TUBGCP5: variants seen among roughly 807,000 people sequenced by gnomAD.
The protein encoded by TUBGCP5 is gamma-tubulin complex component 5.
TUBGCP5 carries 98 observed loss-of-function variants against 134.7 expected under a neutral mutation model. The ratio of observed to expected loss-of-function variants is 0.73; its 90% confidence interval spans 0.62 to 0.86. The LOEUF (loss-of-function observed/expected upper bound fraction) is 0.86, where lower values mean the gene tolerates loss of function less well. TUBGCP5 is among the 40% of genes least tolerant of loss of function. TUBGCP5 has a pLI of 0.00. For missense variants in TUBGCP5, 1,150 were observed against 1,244.8 expected (o/e 0.92, Z 1.15); for synonymous variants, 456 against 431.4 (o/e 1.06, Z -0.71).
At chr15:23,000,896 A>G (rs1335674606) in intron 21 of TUBGCP5, among the ~76,000 whole-genome samples, 1 of 152,204 alleles carries the variant, frequency 6.6e-6, no homozygotes, top group African/African-American at 2.4e-5. Flanking sequence ...CTGTTTCCAG[A>G]TAGTATCTAG....
chr15:23,039,032 T>TAA (rs201611842), intron 1 of TUBGCP5, among the ~76,000 whole-genome samples: 3 of 147,552 alleles, frequency 2.0e-5, no homozygotes, highest in African/African-American at 5.0e-5. Flanking sequence ...CTCTTTAATT[T>TAA]AAAAAAAAAA....
At chr15:23,018,272 G>C (rs556839678) in intron 12 of TUBGCP5, among the ~76,000 whole-genome samples, 1 of 152,244 alleles carries the variant, frequency 6.6e-6, no homozygotes, top group African/African-American at 2.4e-5. Context: ...TCCTGAATTG[G>C]AATTATTTAA....
In TUBGCP5 at chr15:23,037,652, G is replaced by A. The variant is rs539153650; in HGVS notation, c.147-500C>T. Among the ~76,000 whole-genome samples, 6 of 152,244 alleles carry A rather than the reference G, an allele frequency of 3.9e-5. No individual in the cohort carries two copies. In the East Asian group the frequency reaches 5.8e-4, roughly 15 times the overall value. On this transcript the variant is annotated intron_variant, in intron 1 of 22. Coordinates refer to ENST00000615383, the MANE Select transcript of TUBGCP5 (RefSeq NM_052903.6). ...ATTAAATAACAAGATTTAGCAGTAG[G>A]TCCAATTAACTACCATTAAAGTAAC...
Position 23,039,527 on chromosome 15 carries a change from G to A in TUBGCP5, c.17C>T (p.Pro6Leu), listed in dbSNP as rs374208223. Residue 6 changes from proline (P) to leucine (L), a missense_variant, in exon 1 of 23, where the codon CCA becomes CTA. Coordinates refer to ENST00000615383, the MANE Select transcript of TUBGCP5 (RefSeq NM_052903.6). ...CTGCGCGTCCAACCGACTCCACGGT[G>A]GCCCGTGCCGCGCCATGTTCCGCGC... MARHG[P>L]PWSRLDAQQE... The A allele has an allele frequency of 9.2e-5, 137 of 1,484,808 alleles. No homozygotes were observed. The highest frequency in any genetic ancestry group is 1.2e-4 in the Non-Finnish European group (129 of 1,106,768). 92.0% of individuals were successfully genotyped at this position (1,484,808 alleles called of 1,614,324 possible).
intron 23 of TUBGCP5, among the ~76,000 whole-genome samples, chr15:22,987,794 G>C (rs1473778849): frequency 6.6e-6 from 1 of 150,392 alleles, no homozygotes; most frequent in Non-Finnish European, 1.5e-5. Flanking sequence ...TACTCGGGAA[G>C]CTGAGGTGGG....
chr15:23,024,859 T>C, intron 8 of TUBGCP5, 29 bp from the exon 9 acceptor site: 2 of 1,340,592 alleles, frequency 1.5e-6, no homozygotes, highest in Non-Finnish European at 1.1e-6. Flanking sequence ...AAGACGAGTG[T>C]ACTTTAAGTC....
chr15:22,984,208 A>G (rs887088138), intron 23 of TUBGCP5, among the ~76,000 whole-genome samples: 3 of 152,264 alleles, frequency 2.0e-5, no homozygotes, highest in Non-Finnish European at 4.4e-5. Flanking sequence ...CCAATGAAGA[A>G]TTATCTATAG....
chr15:22,998,269 C>T (rs891778057), downstream of TUBGCP5, among the ~76,000 whole-genome samples: 3 of 152,078 alleles, frequency 2.0e-5, no homozygotes, highest in Non-Finnish European at 4.4e-5. Flanking sequence ...GAGCCGAGAT[C>T]GTGCTACTGC....
At chr15:23,015,985 C>T (rs2065290388) in intron 13 of TUBGCP5, among the ~76,000 whole-genome samples, 1 of 152,076 alleles carries the variant, frequency 6.6e-6, no homozygotes, top group Admixed American at 6.6e-5. Context: ...CCCAAGAAAA[C>T]CAATAATTCT....
chr15:23,000,774 T>A (rs1015789044), intron 21 of TUBGCP5, 105 bp from the exon 22 acceptor site: 137 of 789,236 alleles, frequency 1.7e-4, no homozygotes, highest in Non-Finnish European at 2.4e-4. Flanking sequence ...TTTAATTATT[T>A]AAAATCCTAA....
chr15:22,991,086 T>C (rs915249335), intron 23 of TUBGCP5, among the ~76,000 whole-genome samples: 1 of 146,242 alleles, frequency 6.8e-6, no homozygotes, highest in Non-Finnish European at 1.5e-5. Context: ...GTATAAGGAC[T>C]TCCTTATAAT....
chr15:23,020,033 C>T (rs1381487391), intron 11 of TUBGCP5, among the ~76,000 whole-genome samples: 4 of 151,618 alleles, frequency 2.6e-5, no homozygotes, highest in African/African-American at 9.7e-5. Flanking sequence ...AACCCCAGCA[C>T]TTTGGGAGGC....
intron 23 of TUBGCP5, among the ~76,000 whole-genome samples, chr15:22,984,044 C>T (rs1296346926): frequency 2.6e-5 from 4 of 152,144 alleles, no homozygotes; most frequent in East Asian, 3.9e-4. Context: ...CACTTGAACC[C>T]GAGAGTTGGA....
At chr15:23,016,963 T>C (rs1480611729) in intron 13 of TUBGCP5, among the ~76,000 whole-genome samples, 12 of 141,726 alleles carry the variant, frequency 8.5e-5, no homozygotes, top group Non-Finnish European at 3.0e-5. Context: ...GGTAAAAAAA[T>C]TGTGAGATAT....
At chr15:22,990,778 A>G (rs1236624662) in intron 23 of TUBGCP5, among the ~76,000 whole-genome samples, 4 of 152,148 alleles carry the variant, frequency 2.6e-5, no homozygotes, top group Non-Finnish European at 1.5e-5. Context: ...ATCATCTTAG[A>G]TTATCTGAAG....
Position 23,027,835 on chromosome 15 carries a change from A to G in TUBGCP5, c.623-529T>C, listed in dbSNP as rs544583830. 1.1e-3 allele frequency among the ~76,000 whole-genome samples: 165 copies of G among 152,252 alleles called. 1 individual carries two copies. Among genetic ancestry groups the G allele is most frequent in the African/African-American group, 3.8e-3 (157 of 41,546 alleles). ...GTAACTGACTAGAAAGTAAAAAAAA[A>G]AAAAATTGCCACATACATAAAAAGA... On this transcript the variant is annotated intron_variant, in intron 6 of 22. Coordinates refer to ENST00000615383, the MANE Select transcript of TUBGCP5 (RefSeq NM_052903.6).
intron 13 of TUBGCP5, among the ~76,000 whole-genome samples, chr15:23,016,835 T>G (rs1429086808): frequency 6.6e-6 from 1 of 151,738 alleles, no homozygotes; most frequent in African/African-American, 2.4e-5. Context: ...GGTGGGCATT[T>G]ATCCAAAGGA....
Position 23,023,252 on chromosome 15 carries a change from C to G in TUBGCP5, c.1168+695G>C, listed in dbSNP as rs998776625. ...GGCTGAGGCAGGAGGATGGCGTGAACCCGGGAGGCGGAGCTTGCAGTAAGC... is the reference window on the plus strand; with the variant it reads ...GGCTGAGGCAGGAGGATGGCGTGAAGCCGGGAGGCGGAGCTTGCAGTAAGC... On this transcript the variant is annotated intron_variant, in intron 10 of 22. Transcript: ENST00000615383. 9 of 151,882 alleles carry G rather than the reference C, an allele frequency of 5.9e-5. No individual in the cohort carries two copies. The East Asian group carries it at 1.7e-3, about 29-fold the overall frequency. The allele number at this position is 151,882 out of a possible 1,614,324, so 9.4% of individuals were successfully genotyped here. A position where few individuals can be genotyped will look rare whatever the true frequency, so the allele number is the denominator to read the frequency against.
In TUBGCP5 at chr15:23,003,063, A is replaced by G; in HGVS notation, c.2927+2T>C. ...CAGATGCTGCAGAAATCACATACTT[A>G]CCGCCAAGTGCCCAGGCCTGCCTGC... On this transcript the variant is annotated splice_donor_variant, in intron 21 of 22. Coordinates refer to ENST00000615383, the MANE Select transcript of TUBGCP5 (RefSeq NM_052903.6). LOFTEE classifies it high-confidence loss of function. 2 of 1,613,496 alleles carry G rather than the reference A, an allele frequency of 1.2e-6. No homozygotes were observed. Among genetic ancestry groups the G allele is most frequent in the Non-Finnish European group, 1.7e-6 (2 of 1,179,464 alleles).
Sources: allele counts gnomAD v4.1 joint callset (sites outside exome capture counted in the v4.1 genomes callset), GRCh38; gene constraint gnomAD v4.1.1; transcripts MANE v1.5; gene names NCBI Gene and HGNC (gene_info 2026-07-23, HGNC 2026-07-21).